Variants in TUB observed in about 807,000 individuals in gnomAD.
The protein encoded by TUB is TUB bipartite transcription factor.
A neutral mutation model predicts 59.7 loss-of-function variants in TUB; 33 were observed. The observed-to-expected ratio is 0.55, with a 90% CI of 0.42 to 0.74. TUB has a LOEUF of 0.74. Ranked by LOEUF, TUB falls within the 30% of genes least tolerant of loss-of-function variation. TUB has a pLI of 0.00. For missense variants in TUB, 659 were observed against 672.0 expected, an observed-to-expected ratio of 0.98 and a Z score of 0.21; for synonymous variants, 293 against 256.4, an observed-to-expected ratio of 1.14 and a Z score of -1.36.
At chr11:8,063,002 C>T (rs1055769208) in intron 2 of TUB, among the ~76,000 whole-genome samples, 46 of 152,182 alleles carry the variant, frequency 3.0e-4, no homozygotes, top group African/African-American at 1.0e-3. Context: ...GAGTGGGCCC[C>T]AGAGGAAGGA....
At chr11:8,076,225 A>T (rs1943445888), upstream of TUB, 2 of 152,160 alleles carry the variant, frequency 1.3e-5, no homozygotes. Context: ...CTGGTCCTGA[A>T]GCAGCAGCAC....
chr11:8,038,295 C>A (rs1205199699), upstream of TUB, among the ~76,000 whole-genome samples: 1 of 152,120 alleles, frequency 6.6e-6, no homozygotes, highest in African/African-American at 2.4e-5. Context: ...GGAGATGAAG[C>A]CTTGTGAGTG....
Position 8,101,808 on chromosome 11 carries a change from T to A in TUB, c.*189T>A. On this transcript the variant is annotated 3_prime_UTR_variant, in exon 12 of 12. Coordinates refer to ENST00000299506, the MANE Select transcript of TUB (RefSeq NM_177972.3). ...CTCTGCTACTGAGGCAGGGGAGTAGTGGAGAGCGGGTGGGTGGGTGTGAAG... is the reference window on the plus strand; with the variant it reads ...CTCTGCTACTGAGGCAGGGGAGTAGAGGAGAGCGGGTGGGTGGGTGTGAAG... The A allele has an allele frequency of 1.0e-6, 1 of 961,676 alleles. No homozygotes were observed. The highest frequency in any genetic ancestry group is 1.5e-6 in the Non-Finnish European group (1 of 678,490). 59.6% of individuals were successfully genotyped at this position (961,676 alleles called of 1,614,324 possible).
At chr11:8,028,910 GC>G (rs1272445735) in intron 1 of TUB, among the ~76,000 whole-genome samples, 1 of 152,168 alleles carries the variant, frequency 6.6e-6, no homozygotes, top group Non-Finnish European at 1.5e-5. Flanking sequence ...TGCTTGGGAG[GC>G]TGAGGTGAGA....
intron 2 of TUB, among the ~76,000 whole-genome samples, chr11:8,041,805 G>A (rs933396060): frequency 1.3e-5 from 2 of 152,086 alleles, no homozygotes; most frequent in Non-Finnish European, 2.9e-5. Flanking sequence ...CAGGGTCACT[G>A]CCTGCTTTCT....
At position 8,102,668 on chromosome 11, in the gene TUB, A is replaced by G. The variant is rs1446831566; in HGVS notation, c.*1049A>G. 2 of 152,198 alleles carry G rather than the reference A, an allele frequency of 1.3e-5. No homozygotes were observed. The highest frequency in any genetic ancestry group is 4.8e-5 in the African/African-American group (2 of 41,440). The allele number at this position is 152,198 out of a possible 1,614,324, so 9.4% of individuals were successfully genotyped here. On this transcript the variant is annotated 3_prime_UTR_variant, in exon 12 of 12. Transcript: ENST00000299506. ...GTCAGCCAAGTCATGGTTGGTAACCATGTAGGTTCTTGGGAGGGAATGGGA... is the reference window on the plus strand; with the variant it reads ...GTCAGCCAAGTCATGGTTGGTAACCGTGTAGGTTCTTGGGAGGGAATGGGA...
rs201958396 is a variant in TUB at position 8,100,436 on chromosome 11, TC to T, written c.1117-60del. On this transcript the variant is annotated intron_variant, in intron 9 of 11. Coordinates refer to ENST00000299506, the MANE Select transcript of TUB (RefSeq NM_177972.3). ...AACTAGCTCTTCCTCTTTATTCCCG[TC>T]CCCCCCACCTTCTCCAGTAGGTAAA... 105 of 1,261,954 alleles carry T rather than the reference TC, an allele frequency of 8.3e-5. 2 individuals are homozygous for T. The highest frequency in any genetic ancestry group is 2.6e-4 in the South Asian group (21 of 80,914). 78.2% of individuals were successfully genotyped at this position (1,261,954 alleles called of 1,614,324 possible). A position where few individuals can be genotyped will look rare whatever the true frequency, so the allele number is the denominator to read the frequency against.
chr11:8,045,114 G>A (rs1176563042), intron 2 of TUB, among the ~76,000 whole-genome samples: 1 of 152,034 alleles, frequency 6.6e-6, no homozygotes, highest in African/African-American at 2.4e-5. Flanking sequence ...GCTTAGGGGT[G>A]AGCTGCAAGT....
chr11:8,081,640 C>T (rs2133814404), intron 1 of TUB, 92 bp downstream of exon 1: 1 of 1,344,676 alleles, frequency 7.4e-7, no homozygotes, highest in African/African-American at 1.5e-5. Context: ...GCACCGCTGC[C>T]CTCCCCACCT....
intron 1 of TUB, among the ~76,000 whole-genome samples, chr11:8,023,671 C>T (rs2133698217): frequency 6.6e-6 from 1 of 152,346 alleles, no homozygotes; most frequent in Non-Finnish European, 1.5e-5. Flanking sequence ...ATTCTCTAGT[C>T]AGCATCCACA....
chr11:8,070,159 T>C (rs903234938), intron 2 of TUB, among the ~76,000 whole-genome samples: 1 of 152,152 alleles, frequency 6.6e-6, no homozygotes, highest in African/African-American at 2.4e-5. Context: ...CTGTACATTA[T>C]CAAGTTTCAG....
rs373443141 is a variant in TUB at position 8,101,552 on chromosome 11, C to T, written c.1454C>T (p.Pro485Leu). 3.1e-6 allele frequency: 5 copies of T among 1,614,230 alleles called. No homozygotes were observed. The highest frequency in any genetic ancestry group is 2.2e-5 in the East Asian group (1 of 44,890). Residue 485 changes from proline (P) to leucine (L), a missense_variant, in exon 12 of 12, where the codon CCG (proline) becomes CTG (leucine). Transcript: ENST00000299506. ...GTGTTCACCATGGATTACAACTACC[C>T]GCTGTGTGCACTGCAGGCCTTTGCC... The part of the protein sequence containing the change: ...EDVFTMDYNY[P>L]LCALQAFAIA...
chr11:8,064,406 G>T (rs1422250278), intron 2 of TUB, among the ~76,000 whole-genome samples: 2 of 152,126 alleles, frequency 1.3e-5, no homozygotes, highest in East Asian at 3.9e-4. Context: ...GGGGCTTGTA[G>T]TACACTTGCC....
intron 2 of TUB, among the ~76,000 whole-genome samples, chr11:8,052,270 T>A (rs968934831): frequency 2.0e-5 from 3 of 152,224 alleles, no homozygotes; most frequent in Admixed American, 2.0e-4. Flanking sequence ...CACCTGTCAA[T>A]TTATTTGACA....
rs988194550 is a variant in TUB at position 8,101,733 on chromosome 11, G to A, written c.*114G>A. The A allele has an allele frequency of 9.6e-6, 14 of 1,457,016 alleles. No homozygotes were observed. The East Asian group carries it at 1.2e-4, about 13-fold the overall frequency. 90.3% of individuals were successfully genotyped at this position (1,457,016 alleles called of 1,614,324 possible). ...TAGGCCTTCCGCCAGATGAAGCTTTGGCCCTCAGTGGGCTCCCTGGCCCAG... is the reference window on the plus strand; with the variant it reads ...TAGGCCTTCCGCCAGATGAAGCTTTAGCCCTCAGTGGGCTCCCTGGCCCAG... On this transcript the variant is annotated 3_prime_UTR_variant, in exon 12 of 12. Coordinates refer to ENST00000299506, the MANE Select transcript of TUB (RefSeq NM_177972.3).
At chr11:8,089,511 G>C in intron 1 of TUB, 99 bp from the exon 2 acceptor site, 1 of 1,434,536 alleles carries the variant, frequency 7.0e-7, no homozygotes, top group Non-Finnish European at 9.8e-7. Flanking sequence ...GCCGTGATGG[G>C]ATGGGTTTAA....
Position 8,081,470 on chromosome 11 carries a change from C to T in TUB, c.-41C>T, listed in dbSNP as rs768092069. The stretch of plus-strand genomic sequence containing the variant: ...CCCCCGCGCCGGCCCCTCCGGGCCC[C>T]GGCCTCCAGAGCCGCAGCCACCGCC... On this transcript the variant is annotated 5_prime_UTR_variant, in exon 1 of 12. Coordinates refer to ENST00000299506, the MANE Select transcript of TUB (RefSeq NM_177972.3). The T allele has an allele frequency of 2.8e-6, 4 of 1,448,564 alleles. No individual in the cohort carries two copies. Among genetic ancestry groups the T allele is most frequent in the African/African-American group, 1.5e-5 (1 of 67,232 alleles). The allele number at this position is 1,448,564 out of a possible 1,614,324, so 89.7% of individuals were successfully genotyped here. A position where few individuals can be genotyped will look rare whatever the true frequency, so the allele number is the denominator to read the frequency against.
intron 1 of TUB, among the ~76,000 whole-genome samples, chr11:8,085,731 C>T (rs959601263): frequency 5.3e-5 from 8 of 152,154 alleles, no homozygotes; most frequent in Non-Finnish European, 2.9e-5. Context: ...ATTCCCTGAC[C>T]CCTGGGCCTC....
chr11:8,050,683 A>G (rs1364306031), intron 2 of TUB, among the ~76,000 whole-genome samples: 1 of 152,232 alleles, frequency 6.6e-6, no homozygotes, highest in Non-Finnish European at 1.5e-5. Flanking sequence ...AAAGCTTTCC[A>G]TAAATAAAAC....
Sources: allele counts gnomAD v4.1 joint callset (sites outside exome capture counted in the v4.1 genomes callset), GRCh38; gene constraint gnomAD v4.1.1; transcripts MANE v1.5; gene names NCBI Gene and HGNC (gene_info 2026-07-23, HGNC 2026-07-21).